Variants in F10 observed in about 807,000 individuals in gnomAD.
F10 encodes the protein coagulation factor X.
A neutral mutation model predicts 37.1 loss-of-function variants in F10; 29 were observed. That is an observed-to-expected ratio of 0.78 (90% confidence interval 0.58 to 1.07). The LOEUF is 1.07. Among genes scored for constraint, F10 ranks in the 50% least tolerant of loss-of-function variants. F10 has a pLI of 0.00. For missense variants in F10, 539 were observed against 667.9 expected (o/e 0.81, Z 2.13); for synonymous variants, 262 against 268.6 (o/e 0.98, Z 0.24).
intron 1 of F10, among the ~76,000 whole-genome samples, chr13:113,123,189 G>T (rs2036336452): frequency 6.6e-6 from 1 of 152,212 alleles, no homozygotes; most frequent in Admixed American, 6.5e-5. Context: ...GAGAAAGGGA[G>T]AGGGAAGGAG....
At chr13:113,140,691 G>A in intron 4 of F10, 1 of 702,060 alleles carries the variant, frequency 1.4e-6, no homozygotes. Flanking sequence ...TGAGGGGCAG[G>A]TACCTGGAGC....
rs749360337 is a variant in F10, at chr13:113,122,836, A to T, written c.-20A>T. 16 of 1,608,666 alleles carry T rather than the reference A, an allele frequency of 9.9e-6. No individual in the cohort carries two copies. In the Admixed American group the frequency reaches 1.2e-4, roughly 12 times the overall value. ...GCAGCCTGTCCCAGTGAGGACAGGG[A>T]CACAGTACTCGGCCACACCATGGGG... On this transcript the variant is annotated 5_prime_UTR_variant, in exon 1 of 8. Coordinates refer to ENST00000375559, the MANE Select transcript of F10 (RefSeq NM_000504.4).
chr13:113,123,255 G>A (rs1258021891), intron 1 of F10, among the ~76,000 whole-genome samples: 1 of 152,142 alleles, frequency 6.6e-6, no homozygotes, highest in Admixed American at 6.5e-5. Context: ...GTAGAAAGAC[G>A]GAGACAGAGA....
At chr13:113,148,631 G>A (rs757418664) in intron 7 of F10, among the ~76,000 whole-genome samples, 3 of 151,992 alleles carry the variant, frequency 2.0e-5, no homozygotes, top group Non-Finnish European at 4.4e-5. Flanking sequence ...GGGACGCCTC[G>A]TTGGTGCCCA....
chr13:113,143,314 C>T lies in F10; in HGVS notation c.503-537C>T. 6.6e-6 allele frequency among the ~76,000 whole-genome samples: 1 copy of T among 152,284 alleles called. No individual in the cohort carries two copies. The highest frequency in any genetic ancestry group is 1.5e-5 in the Non-Finnish European group (1 of 68,014). On this transcript the variant is annotated intron_variant, in intron 5 of 7. Coordinates refer to ENST00000375559, the MANE Select transcript of F10 (RefSeq NM_000504.4). This position sits in a 1 kb window ranked among gnomAD's most constrained non-coding sequence, Gnocchi z 6.8. ...TCTCTGGGAGCTGTGCTATTCCAGA[C>T]GCTCTCCTGTGCCTCCAGTTGTTTG...
chr13:113,131,335 A>G (rs2036432368), intron 2 of F10: 1 of 152,256 alleles, frequency 6.6e-6, no homozygotes, highest in African/African-American at 2.4e-5. Context: ...TGGTCTGTGC[A>G]GACTGTCATG....
chr13:113,147,258 G>C, intron 6 of F10, 121 bp from the exon 7 acceptor site: 1 of 733,758 alleles, frequency 1.4e-6, no homozygotes, highest in South Asian at 1.5e-5. Flanking sequence ...GATGGCAGGA[G>C]ACCGAAGAGG....
chr13:113,149,401 A>C lies in F10; in HGVS notation c.1351A>C (p.Ile451Leu), dbSNP rs369872236. ...CTGTGCCCGTAAGGGGAAGTACGGG[A>C]TCTACACCAAGGTCACCGCCTTCCT... The part of the protein sequence containing the change: ...EGCARKGKYG[I>L]YTKVTAFLKW... Residue 451 changes from isoleucine (I) to leucine (L), a missense_variant, in exon 8 of 8, where the codon ATC (isoleucine) becomes CTC (leucine). Coordinates refer to ENST00000375559, the MANE Select transcript of F10 (RefSeq NM_000504.4). The surrounding 1 kb of genome is among the most constrained non-coding windows in gnomAD (Gnocchi z 7.5). The C allele has an allele frequency of 2.1e-5, 34 of 1,613,244 alleles. No homozygotes were observed. In the African/African-American group the frequency reaches 3.6e-4, roughly 17 times the overall value.
At position 113,139,485 on chromosome 13, in the gene F10, T is replaced by G. The variant is rs1595093446; in HGVS notation, c.370+15T>G. 8.1e-6 allele frequency: 13 copies of G among 1,596,230 alleles called. No homozygotes were observed. The East Asian group carries it at 2.9e-4, about 36-fold the overall frequency. On this transcript the variant is annotated intron_variant, in intron 4 of 7. Coordinates refer to ENST00000375559, the MANE Select transcript of F10 (RefSeq NM_000504.4). The surrounding 1 kb of genome is among the most constrained non-coding windows in gnomAD (Gnocchi z 5.2). ...CTGTGAATTATGTAGGTTCCTCTGC[T>G]TGGTATACCTTCAGATCAGATGCCC...
intron 1 of F10, among the ~76,000 whole-genome samples, chr13:113,124,460 C>A (rs2036351719): frequency 1.3e-5 from 2 of 152,330 alleles, no homozygotes; most frequent in South Asian, 4.1e-4. Flanking sequence ...CCCCGGGGGC[C>A]GGCCTGGACC....
Position 113,143,521 on chromosome 13 carries a change from T to C in F10, c.503-330T>C, listed in dbSNP as rs1284451958. The stretch of plus-strand genomic sequence containing the variant: ...TCCCATTTCGCCCGGCCCGTTTGTC[T>C]CTGTCCATCCGTCAAGCTTTCTTGA... On this transcript the variant is annotated intron_variant, in intron 5 of 7. Coordinates refer to ENST00000375559, the MANE Select transcript of F10 (RefSeq NM_000504.4). The surrounding 1 kb of genome is among the most constrained non-coding windows in gnomAD (Gnocchi z 6.8). 2.6e-5 allele frequency among the ~76,000 whole-genome samples: 4 copies of C among 152,270 alleles called. No homozygotes were observed. The highest frequency in any genetic ancestry group is 5.9e-5 in the Non-Finnish European group (4 of 68,018).
chr13:113,137,315 T>C (rs1184311602), intron 2 of F10, among the ~76,000 whole-genome samples: 3 of 151,568 alleles, frequency 2.0e-5, no homozygotes, highest in Non-Finnish European at 4.4e-5. Context: ...TGATAAAGAA[T>C]AGATTAGTGG....
At chr13:113,129,662 G>A in intron 2 of F10, 50 bp downstream of exon 2, 1 of 1,609,678 alleles carries the variant, frequency 6.2e-7, no homozygotes, top group Non-Finnish European at 8.5e-7. Flanking sequence ...AGGCCACAGC[G>A]CCCTCGCTGG....
intron 2 of F10, chr13:113,130,000 T>C (rs1051025958): frequency 2.9e-5 from 10 of 339,776 alleles, no homozygotes; most frequent in African/African-American, 2.1e-4. Context: ...GCAGCCCGCG[T>C]CCTGCCTTGG....
chr13:113,145,160 G>T (rs535987699), intron 6 of F10, among the ~76,000 whole-genome samples: 9 of 152,284 alleles, frequency 5.9e-5, no homozygotes, highest in South Asian at 2.1e-4. Flanking sequence ...GATTACAGGC[G>T]TGAGACAATG....
Position 113,141,010 on chromosome 13 carries a change from G to A in F10, c.462G>A (p.Gly154=). 1 of 1,614,068 alleles carries A rather than the reference G, an allele frequency of 6.2e-7. No homozygotes were observed. The stretch of plus-strand genomic sequence containing the variant: ...CTGTGGTGTGCTCCTGCGCCCGCGG[G>A]TACACCCTGGCTGACAACGGCAAGG... The part of the protein sequence containing the change: ...QNSVVCSCAR[G]YTLADNGKAC... Residue 154 remains glycine, a synonymous_variant, in exon 5 of 8, where the codon GGG becomes GGA. Coordinates refer to ENST00000375559, the MANE Select transcript of F10 (RefSeq NM_000504.4). The surrounding 1 kb of genome is among the most constrained non-coding windows in gnomAD (Gnocchi z 5.4).
Position 113,128,991 on chromosome 13 carries a change from T to G in F10, c.71-461T>G, listed in dbSNP as rs2036398192. ...AGAATGTGGATTTCCCTGAGATAGC[T>G]TTGCAGGGCCATTTCAAAATATGTC... On this transcript the variant is annotated intron_variant, in intron 1 of 7. Coordinates refer to ENST00000375559, the MANE Select transcript of F10 (RefSeq NM_000504.4). The G allele has an allele frequency of 1.5e-5, 3 of 196,086 alleles. No homozygotes were observed. The Admixed American group carries it at 1.6e-4, about 10-fold the overall frequency. The allele number at this position is 196,086 out of a possible 1,614,324, so 12.1% of individuals were successfully genotyped here.
chr13:113,135,656 G>A (rs890153977), intron 2 of F10, among the ~76,000 whole-genome samples: 21 of 152,226 alleles, frequency 1.4e-4, no homozygotes, highest in African/African-American at 5.1e-4. Flanking sequence ...TGGGGGGCAT[G>A]TTGAGACCAT....
chr13:113,145,777 G>A (rs926292120), intron 6 of F10, among the ~76,000 whole-genome samples: 5 of 152,200 alleles, frequency 3.3e-5, no homozygotes, highest in Non-Finnish European at 5.9e-5. Flanking sequence ...AAAACCATCA[G>A]CTCTTGTGAG....
Sources: gnomAD v4.1 joint callset for allele counts (sites outside exome capture counted in the v4.1 genomes callset) on GRCh38, gnomAD v4.1.1 for gene constraint, Gnocchi (gnomAD v3.1) non-coding constraint, MANE v1.5 for transcripts, NCBI Gene and HGNC (gene_info 2026-07-23, HGNC 2026-07-21) for gene names.